PPFIA2: variants seen among roughly 807,000 people sequenced by gnomAD.
PPFIA2 encodes liprin-alpha-2.
A neutral mutation model predicts 175.5 loss-of-function variants in PPFIA2; 46 were observed. That is an observed-to-expected ratio of 0.26 (90% CI 0.21 to 0.34). The LOEUF (loss-of-function observed/expected upper bound fraction) is 0.34, where lower values mean the gene tolerates loss of function less well. Among genes scored for constraint, PPFIA2 ranks in the 10% least tolerant of loss-of-function variants. The pLI is 1.00. For synonymous variants in PPFIA2, 568 were observed against 511.4 expected (o/e 1.11, Z -1.49); for missense variants, 1,179 against 1,506.1 (o/e 0.78, Z 3.60).
At chr12:81,371,643 C>T (rs1282049852) in intron 11 of PPFIA2, among the ~76,000 whole-genome samples, 1 of 151,518 alleles carries the variant, frequency 6.6e-6, no homozygotes, top group African/African-American at 2.4e-5. Context: ...TGTTTAAATT[C>T]CTATTATTGC....
chr12:81,487,864 G>T (rs953817178), intron 4 of PPFIA2, among the ~76,000 whole-genome samples: 2 of 151,964 alleles, frequency 1.3e-5, no homozygotes, highest in South Asian at 2.1e-4. Flanking sequence ...GAAGGCAAAA[G>T]AAATATATCA....
intron 3 of PPFIA2, among the ~76,000 whole-genome samples, chr12:81,745,930 T>G (rs1211382324): frequency 6.6e-6 from 1 of 151,994 alleles, no homozygotes; most frequent in Non-Finnish European, 1.5e-5. Context: ...AGTGGTAGAC[T>G]ATGTACAACA....
chr12:81,654,990 T>C (rs73364562), intron 4 of PPFIA2, among the ~76,000 whole-genome samples: 1,748 of 152,230 alleles, frequency 0.011, 52 homozygotes, highest in East Asian at 0.09. Flanking sequence ...TTTTTTCTTT[T>C]ATGTGAAGTA....
intron 18 of PPFIA2, among the ~76,000 whole-genome samples, chr12:81,345,572 TATG>T (rs2058925154): frequency 6.6e-6 from 1 of 152,158 alleles, no homozygotes; most frequent in Admixed American, 6.6e-5. Flanking sequence ...TATCAAGAGT[TATG>T]ATGCTTATGT....
intron 3 of PPFIA2, among the ~76,000 whole-genome samples, chr12:81,680,568 C>T (rs117994045): frequency 5.3e-5 from 8 of 151,886 alleles, no homozygotes; most frequent in Non-Finnish European, 1.2e-4. Flanking sequence ...TGGAATATCC[C>T]GTGACTCTCC....
At chr12:81,400,935 T>C (rs1204818585) in intron 8 of PPFIA2, among the ~76,000 whole-genome samples, 1 of 152,178 alleles carries the variant, frequency 6.6e-6, no homozygotes, top group Admixed American at 6.6e-5. Flanking sequence ...CACTAATACA[T>C]GACACGTATA....
chr12:81,278,716 G>A (rs2041263884), intron 27 of PPFIA2, among the ~76,000 whole-genome samples: 1 of 152,134 alleles, frequency 6.6e-6, no homozygotes, highest in Non-Finnish European at 1.5e-5. Context: ...TGTTCTGAGA[G>A]AGAAAATGAG....
intron 24 of PPFIA2, among the ~76,000 whole-genome samples, chr12:81,289,917 T>C (rs1390342802): frequency 1.3e-5 from 2 of 151,776 alleles, no homozygotes; most frequent in Non-Finnish European, 3.0e-5. Context: ...TCTGTAGTAA[T>C]AGTAGCTTGG....
chr12:81,277,444 C>T (rs1452549266), intron 27 of PPFIA2, 30 bp from the exon 28 acceptor site: 3 of 1,440,762 alleles, frequency 2.1e-6, no homozygotes, highest in Non-Finnish European at 2.7e-6. Context: ...AAAAAAAACA[C>T]AGTGAGTCTA....
intron 4 of PPFIA2, among the ~76,000 whole-genome samples, chr12:81,538,212 G>T (rs147699049): frequency 1.3e-5 from 2 of 151,766 alleles, no homozygotes; most frequent in African/African-American, 2.4e-5. Flanking sequence ...AAATGATAAG[G>T]TATGGTGAAT....
At chr12:81,509,939 C>A (rs181419941) in intron 4 of PPFIA2, among the ~76,000 whole-genome samples, 303 of 152,166 alleles carry the variant, frequency 2.0e-3, no homozygotes, top group African/African-American at 7.0e-3. Flanking sequence ...ATGTTAAAGG[C>A]AACTGGAATT....
intron 4 of PPFIA2, among the ~76,000 whole-genome samples, chr12:81,484,267 C>T (rs1249012352): frequency 6.6e-6 from 1 of 151,868 alleles, no homozygotes; most frequent in Non-Finnish European, 1.5e-5. Flanking sequence ...GAGTCTGGCA[C>T]TATGCTAGAC....
intron 4 of PPFIA2, among the ~76,000 whole-genome samples, chr12:81,510,774 T>C (rs1314485396): frequency 6.6e-6 from 1 of 152,000 alleles, no homozygotes; most frequent in Non-Finnish European, 1.5e-5. Flanking sequence ...ATAGTCATCA[T>C]AAAAGAAAAA....
intron 8 of PPFIA2, among the ~76,000 whole-genome samples, chr12:81,388,397 G>A (rs2039428353): frequency 6.6e-6 from 1 of 152,014 alleles, no homozygotes; most frequent in Admixed American, 6.6e-5. Flanking sequence ...ATACAAAAGA[G>A]TACATAATGT....
chr12:81,482,384 C>G (rs2058336863), intron 4 of PPFIA2, among the ~76,000 whole-genome samples: 1 of 152,206 alleles, frequency 6.6e-6, no homozygotes, highest in African/African-American at 2.4e-5. Flanking sequence ...AATCCCATTA[C>G]TGGGTATATA....
chr12:81,294,811 G>T, intron 24 of PPFIA2, 24 bp downstream of exon 24: 1 of 1,606,204 alleles, frequency 6.2e-7, no homozygotes, highest in Non-Finnish European at 8.5e-7. Context: ...CACTGAGGAA[G>T]GGGAGGAGCA....
intron 4 of PPFIA2, among the ~76,000 whole-genome samples, chr12:81,616,465 G>T (rs1027172730): frequency 2.6e-5 from 4 of 152,122 alleles, no homozygotes; most frequent in Non-Finnish European, 5.9e-5. Context: ...CACTTAGAGA[G>T]AGAATGATCC....
At chr12:81,311,908 T>C (rs1362545414) in intron 22 of PPFIA2, 4 of 522,718 alleles carry the variant, frequency 7.7e-6, no homozygotes, top group African/African-American at 1.9e-5. Context: ...CTAGAATGTC[T>C]TTTGACATGT....
At chr12:81,606,481 A>T (rs959865131) in intron 4 of PPFIA2, among the ~76,000 whole-genome samples, 1 of 152,010 alleles carries the variant, frequency 6.6e-6, no homozygotes, top group East Asian at 1.9e-4. Context: ...ACCAGCATCT[A>T]TTGTTTCCTG....
Sources: gnomAD v4.1 joint callset for allele counts (sites outside exome capture counted in the v4.1 genomes callset) on GRCh38, gnomAD v4.1.1 for gene constraint, MANE v1.5 for transcripts, NCBI Gene and HGNC (gene_info 2026-07-23, HGNC 2026-07-21) for gene names.